Variants in MINDY2 observed in about 807,000 individuals in gnomAD.
MINDY2 encodes ubiquitin carboxyl-terminal hydrolase MINDY-2.
Under a neutral mutation model 68.2 loss-of-function variants are expected in MINDY2, and 52 were observed. The ratio of observed to expected loss-of-function variants is 0.76; its 90% CI spans 0.61 to 0.96. The LOEUF is 0.96. Ranked by LOEUF, MINDY2 falls within the 40% of genes least tolerant of loss-of-function variation. The probability of loss-of-function intolerance (pLI) is 0.00; values close to 1 mark genes in which losing one functional copy is unlikely to be tolerated. For synonymous variants in MINDY2, 372 were observed against 303.0 expected, an observed-to-expected ratio of 1.23 and a Z score of -2.36; for missense variants, 881 against 773.4, an observed-to-expected ratio of 1.14 and a Z score of -1.65.
At chr15:58,830,788 A>C (rs1428589112) in intron 5 of MINDY2, among the ~76,000 whole-genome samples, 5 of 152,134 alleles carry the variant, frequency 3.3e-5, no homozygotes, top group African/African-American at 9.7e-5. Flanking sequence ...ACTTGTTTAC[A>C]GTATGCGAGA....
At chr15:58,785,095 C>G (rs1407261978) in intron 1 of MINDY2, among the ~76,000 whole-genome samples, 4 of 146,284 alleles carry the variant, frequency 2.7e-5, no homozygotes, top group Non-Finnish European at 6.0e-5. Flanking sequence ...TTAAGAAAAC[C>G]CTTGGCACTT....
rs759833970 is a variant in MINDY2, at chr15:58,847,297, G to T, written c.1369G>T (p.Gly457Cys). Residue 457 changes from glycine to cysteine, a missense_variant and splice_region_variant, in exon 7 of 9, where the codon GGT (glycine) becomes TGT (cysteine). Physicochemically the swap from Gly to Cys is radical, Grantham distance 159. Coordinates refer to ENST00000559228, the MANE Select transcript of MINDY2 (RefSeq NM_001040450.3). Reference protein sequence around the residue: ...NHFSTMTKYKGQLYLLVTDQG... With the variant: ...NHFSTMTKYKCQLYLLVTDQG... ...TTTTCTTTTGTTACTTCTTATTAAG[G>T]GTCAACTGTATTTGTTGGTAACGGA... is the stretch of plus-strand genomic sequence containing the variant. The T allele has an allele frequency of 5.8e-6, 9 of 1,558,440 alleles. No homozygotes were observed. In the East Asian group the frequency reaches 1.6e-4, roughly 28 times the overall value.
chr15:58,791,622 ATG>A (rs368688031), intron 2 of MINDY2, among the ~76,000 whole-genome samples: 1,958 of 136,708 alleles, frequency 0.014, 23 homozygotes, highest in African/African-American at 0.029. Context: ...GTCTCAAAAT[ATG>A]TGTGTGTGTG....
intron 5 of MINDY2, among the ~76,000 whole-genome samples, chr15:58,828,821 C>T (rs2031561730): frequency 6.6e-6 from 1 of 151,918 alleles, no homozygotes; most frequent in Non-Finnish European, 1.5e-5. Flanking sequence ...TTCCAAAGTG[C>T]TGGGATTACA....
At chr15:58,853,310 G>T (rs1347917853) in intron 8 of MINDY2, among the ~76,000 whole-genome samples, 4 of 151,924 alleles carry the variant, frequency 2.6e-5, no homozygotes, top group African/African-American at 9.7e-5. Flanking sequence ...ATACAAGAAA[G>T]CAAGATGCCC....
chr15:58,802,006 G>C (rs1902697111), intron 2 of MINDY2, among the ~76,000 whole-genome samples: 1 of 152,192 alleles, frequency 6.6e-6, no homozygotes, highest in Non-Finnish European at 1.5e-5. Flanking sequence ...ATCAGAAATA[G>C]TTATATTGTT....
At chr15:58,822,286 T>C (rs573892942) in intron 5 of MINDY2, among the ~76,000 whole-genome samples, 1 of 152,046 alleles carries the variant, frequency 6.6e-6, no homozygotes, top group Admixed American at 6.6e-5. Context: ...TAATCATTCA[T>C]AAAGGTGCCA....
intron 7 of MINDY2, among the ~76,000 whole-genome samples, chr15:58,849,455 A>G (rs2032706721): frequency 6.6e-6 from 1 of 152,142 alleles, no homozygotes; most frequent in Non-Finnish European, 1.5e-5. Context: ...CAGTGAGCCA[A>G]GATGACGCCA....
chr15:58,824,321 G>A (rs1276203748), intron 5 of MINDY2, among the ~76,000 whole-genome samples: 1 of 152,022 alleles, frequency 6.6e-6, no homozygotes, highest in Non-Finnish European at 1.5e-5. Context: ...GATAATTTAG[G>A]AAGAACATCA....
At chr15:58,854,054 C>T (rs552694924) in intron 8 of MINDY2, among the ~76,000 whole-genome samples, 4 of 151,908 alleles carry the variant, frequency 2.6e-5, no homozygotes, top group African/African-American at 4.8e-5. Flanking sequence ...ACCAGCCTGG[C>T]CAACATAGTG....
chr15:58,844,012 AT>A (rs2032404547), intron 6 of MINDY2, among the ~76,000 whole-genome samples: 1 of 151,780 alleles, frequency 6.6e-6, no homozygotes, highest in South Asian at 2.1e-4. Flanking sequence ...AACCTATTCT[AT>A]ATTATTATTT....
intron 4 of MINDY2, among the ~76,000 whole-genome samples, chr15:58,818,486 A>G (rs597112): frequency 0.26 from 38,774 of 151,712 alleles, 5,417 homozygotes; most frequent in East Asian, 0.62. Context: ...AAATTCCTGG[A>G]CTGAAGCCGT....
intron 7 of MINDY2, among the ~76,000 whole-genome samples, chr15:58,849,199 G>C (rs1489081713): frequency 6.9e-6 from 1 of 145,694 alleles, no homozygotes; most frequent in Admixed American, 7.0e-5. Context: ...GACAGAGCAA[G>C]AGTCTGTCTC....
Position 58,854,589 on chromosome 15 carries a change from A to G in MINDY2, c.1845A>G (p.Lys615=). The change falls in exon 9 of 9, where the codon AAA becomes AAG. Residue 615 remains lysine, a synonymous_variant. Transcript: ENST00000559228. ...REKDKEKEKE[K]NSCVIL ...AAGATAAAGAAAAAGAAAAGGAAAA[A>G]AATAGCTGTGTTATTTTGTAACAAG... is the stretch of plus-strand genomic sequence containing the variant. 6.2e-7 allele frequency: 1 copy of G among 1,611,174 alleles called. No homozygotes were observed.
intron 4 of MINDY2, chr15:58,817,861 G>A (rs2030799424): frequency 1.3e-5 from 2 of 152,232 alleles, no homozygotes; most frequent in Admixed American, 1.3e-4. Context: ...ATCCATTAAA[G>A]TTGATGCTAA....
At chr15:58,792,374 A>C (rs1902003498) in intron 2 of MINDY2, among the ~76,000 whole-genome samples, 1 of 152,214 alleles carries the variant, frequency 6.6e-6, no homozygotes, top group Non-Finnish European at 1.5e-5. Context: ...TTGGGAGGCC[A>C]AGGCAGGTGG....
intron 2 of MINDY2, among the ~76,000 whole-genome samples, chr15:58,801,078 A>G (rs1286447304): frequency 2.0e-5 from 3 of 151,964 alleles, no homozygotes; most frequent in African/African-American, 4.8e-5. Flanking sequence ...GGTTGAAGCA[A>G]TTCTCCTGCC....
Position 58,771,798 on chromosome 15 carries a change from C to G in MINDY2, c.403C>G (p.Leu135Val), listed in dbSNP as rs1463324362. The G allele has an allele frequency of 5.6e-6, 9 of 1,609,838 alleles. No individual in the cohort carries two copies. In the African/African-American group the frequency reaches 1.1e-4, roughly 19 times the overall value. Residue 135 changes from leucine to valine, a missense_variant, in exon 1 of 9, where the codon CTC (leucine) becomes GTC (valine). Coordinates refer to ENST00000559228, the MANE Select transcript of MINDY2 (RefSeq NM_001040450.3). ...CGGAGACGCGGGAGCCCGCCCGGAT[C>G]TCGCCGGCACCTGCCAAGCAGAACT... is the stretch of plus-strand genomic sequence containing the variant. ...TAGDAGARPD[L>V]AGTCQAELTA...
At chr15:58,807,505 G>A (rs1222463957) in intron 3 of MINDY2, among the ~76,000 whole-genome samples, 1 of 151,776 alleles carries the variant, frequency 6.6e-6, no homozygotes, top group African/African-American at 2.4e-5. Context: ...GACTACAGGC[G>A]CCCGCCATCA....
Sources: gnomAD v4.1 joint callset for allele counts (sites outside exome capture counted in the v4.1 genomes callset) on GRCh38, gnomAD v4.1.1 for gene constraint, MANE v1.5 for transcripts, NCBI Gene and HGNC (gene_info 2026-07-23, HGNC 2026-07-21) for gene names.